DIAPH2: variants seen among roughly 807,000 people sequenced by gnomAD.
DIAPH2 encodes protein diaphanous homolog 2.
In DIAPH2, 35 loss-of-function variants were observed where a neutral mutation model predicts 92.7. The ratio of observed to expected loss-of-function variants is 0.38; its 90% CI spans 0.29 to 0.50. DIAPH2 has a LOEUF of 0.50. Ranked by LOEUF, DIAPH2 falls within the 20% of genes least tolerant of loss-of-function variation. The probability of loss-of-function intolerance (pLI) is 0.94; values close to 1 mark genes in which losing one functional copy is unlikely to be tolerated. For synonymous variants in DIAPH2, 301 were observed against 280.4 expected (o/e 1.07, Z -0.73); for missense variants, 701 against 819.5 (o/e 0.86, Z 1.77).
At chrX:96,715,266 C>G (rs780793431) in intron 1 of DIAPH2, among the ~76,000 whole-genome samples, 132 of 111,517 alleles carry the variant, frequency 1.2e-3, no homozygotes, top group African/African-American at 4.1e-3. Flanking sequence ...CATTTGATTA[C>G]TCCTCAGTCC....
chrX:97,544,470 G>A (rs1230465966), intron 26 of DIAPH2, among the ~76,000 whole-genome samples: 1 of 111,762 alleles, frequency 8.9e-6, no homozygotes, highest in Non-Finnish European at 1.9e-5. Context: ...TTCCTCTAAA[G>A]AGAGGAGAGG....
intron 23 of DIAPH2, among the ~76,000 whole-genome samples, chrX:97,264,277 A>ATT (rs1267369985): frequency 9.0e-6 from 1 of 111,289 alleles, no homozygotes; most frequent in Non-Finnish European, 1.9e-5. Flanking sequence ...ACTTTATTTC[A>ATT]TTTTTTGCTT....
At chrX:97,573,318 C>A in intron 26 of DIAPH2, among the ~76,000 whole-genome samples, 1 of 111,485 alleles carries the variant, frequency 9.0e-6, no homozygotes. Context: ...CAAGAAAGCA[C>A]TGAATATTTT....
chrX:97,124,727 C>A (rs1602357899), intron 21 of DIAPH2, among the ~76,000 whole-genome samples: 1 of 111,353 alleles, frequency 9.0e-6, no homozygotes, highest in Non-Finnish European at 1.9e-5. Context: ...TATCGTGAAG[C>A]CTATGCTGCT....
At chrX:97,480,559 C>T (rs1211074189) in intron 26 of DIAPH2, among the ~76,000 whole-genome samples, 2 of 111,596 alleles carry the variant, frequency 1.8e-5, no homozygotes, top group Non-Finnish European at 3.8e-5. Context: ...TCATAGCTTG[C>T]AACTACCGTA....
intron 23 of DIAPH2, among the ~76,000 whole-genome samples, chrX:97,317,585 T>C (rs1263741707): frequency 1.8e-5 from 2 of 112,193 alleles, no homozygotes; most frequent in Non-Finnish European, 3.8e-5. Flanking sequence ...CATGTTGAAA[T>C]TGGTCTTAGA....
At chrX:97,358,060 T>A (rs1386795310) in intron 24 of DIAPH2, among the ~76,000 whole-genome samples, 2 of 112,019 alleles carry the variant, frequency 1.8e-5, no homozygotes, top group Non-Finnish European at 3.8e-5. Context: ...AACAGCTATT[T>A]TGTTGCCAGA....
intron 24 of DIAPH2, among the ~76,000 whole-genome samples, chrX:97,372,648 G>A (rs2069458933): frequency 9.0e-6 from 1 of 111,627 alleles, no homozygotes; most frequent in African/African-American, 3.3e-5. Flanking sequence ...ACCTGAGAAG[G>A]TTTTGTCTGA....
intron 22 of DIAPH2, among the ~76,000 whole-genome samples, chrX:97,223,606 A>AT (rs1297724695): frequency 9.0e-6 from 1 of 111,229 alleles, no homozygotes; most frequent in African/African-American, 3.3e-5. Flanking sequence ...TCCTGTCTCT[A>AT]TTTTTTGCCT....
chrX:97,511,715 T>G (rs1361887471), intron 26 of DIAPH2, among the ~76,000 whole-genome samples: 1 of 111,108 alleles, frequency 9.0e-6, no homozygotes, highest in Non-Finnish European at 1.9e-5. Context: ...GTTTTTAGCA[T>G]GAAAGGTTGT....
intron 22 of DIAPH2, among the ~76,000 whole-genome samples, chrX:97,228,687 T>C (rs2067984901): frequency 9.0e-6 from 1 of 111,651 alleles, no homozygotes; most frequent in Non-Finnish European, 1.9e-5. Context: ...TCAAATAAAA[T>C]TAGAATCCCT....
chrX:97,153,275 C>G (rs1248444030), intron 22 of DIAPH2, among the ~76,000 whole-genome samples: 1 of 111,130 alleles, frequency 9.0e-6, no homozygotes, highest in Non-Finnish European at 1.9e-5. Flanking sequence ...TTTGTTTATT[C>G]AGTCCAGTTT....
chrX:96,879,120 T>C (rs924352046), intron 4 of DIAPH2, among the ~76,000 whole-genome samples: 9 of 112,131 alleles, frequency 8.0e-5, no homozygotes, highest in Non-Finnish European at 1.5e-4. Flanking sequence ...TAAGAGCTTA[T>C]GTTTTAGCGC....
At chrX:97,283,968 A>G (rs1333819814) in intron 23 of DIAPH2, among the ~76,000 whole-genome samples, 2 of 111,951 alleles carry the variant, frequency 1.8e-5, no homozygotes, top group African/African-American at 6.5e-5. Context: ...ATAAAATAAA[A>G]TATTTAACAA....
intron 17 of DIAPH2, among the ~76,000 whole-genome samples, chrX:96,974,791 T>G (rs2065950139): frequency 9.0e-6 from 1 of 111,415 alleles, no homozygotes; most frequent in South Asian, 3.7e-4. Context: ...ATAGTAATTA[T>G]AGACAATAAT....
At chrX:97,164,935 C>T (rs1247568038) in intron 22 of DIAPH2, among the ~76,000 whole-genome samples, 2 of 112,104 alleles carry the variant, frequency 1.8e-5, no homozygotes, top group Non-Finnish European at 3.8e-5. Flanking sequence ...AACAGAAGAC[C>T]AAGAAAGAAA....
At chrX:96,738,870 A>AAG (rs2064102960) in intron 3 of DIAPH2, 108 bp downstream of exon 3, 1 of 559,316 alleles carries the variant, frequency 1.8e-6, no homozygotes, top group Non-Finnish European at 2.6e-6. Flanking sequence ...TCACATAAAG[A>AAG]AGAGACCAGA....
intron 25 of DIAPH2, among the ~76,000 whole-genome samples, chrX:97,389,767 C>G (rs752639114): frequency 2.0e-3 from 224 of 110,083 alleles, no homozygotes; most frequent in African/African-American, 7.0e-3. Context: ...GGGAGGAGAC[C>G]CTCAAATCCA....
At chrX:97,376,092 TA>T (rs58847602) in intron 24 of DIAPH2, among the ~76,000 whole-genome samples, 89 of 98,953 alleles carry the variant, frequency 9.0e-4, no homozygotes, top group Admixed American at 2.4e-3. Flanking sequence ...TAGAGATGTT[TA>T]AAAAAAAAAA....
Sources: allele counts gnomAD v4.1 joint callset (sites outside exome capture counted in the v4.1 genomes callset), GRCh38; gene constraint gnomAD v4.1.1; transcripts MANE v1.5; gene names NCBI Gene and HGNC (gene_info 2026-07-23, HGNC 2026-07-21).